EIF2AK1: variants seen among roughly 807,000 people sequenced by gnomAD.
The protein encoded by EIF2AK1 is eukaryotic translation initiation factor 2 alpha kinase 1, also known as eukaryotic translation initiation factor 2-alpha kinase 1.
In EIF2AK1, 54 loss-of-function variants were observed where a neutral mutation model predicts 77.9. The ratio of observed to expected loss-of-function variants is 0.69; its 90% CI spans 0.56 to 0.87. The LOEUF is 0.87. Ranked by LOEUF, EIF2AK1 falls within the 40% of genes least tolerant of loss-of-function variation. The pLI is 0.00. For synonymous variants in EIF2AK1, 314 were observed against 290.5 expected (o/e 1.08, Z -0.82); for missense variants, 810 against 768.6 (o/e 1.05, Z -0.64).
In EIF2AK1 at chr7:6,023,230, C is replaced by T. The variant is rs534480277; in HGVS notation, c.*1443G>A. On this transcript the variant is annotated 3_prime_UTR_variant, in exon 15 of 15. Coordinates refer to ENST00000199389, the MANE Select transcript of EIF2AK1 (RefSeq NM_014413.4). ...CAGTCTGTGGTGTTTGGTGACTGTC[C>T]CCTTCCCCACTGTGCGAGTACTTCC... The T allele has an allele frequency of 1.2e-5, 18 of 1,489,224 alleles. No individual in the cohort carries two copies. In the South Asian group the frequency reaches 2.0e-4, roughly 17 times the overall value. The allele number at this position is 1,489,224 out of a possible 1,614,324, so 92.3% of individuals were successfully genotyped here.
chr7:6,028,049 C>T (rs780875158), intron 13 of EIF2AK1: 2 of 388,404 alleles, frequency 5.1e-6, no homozygotes, highest in South Asian at 3.7e-5. Flanking sequence ...GGCAACAGAG[C>T]AAGACCCTGT....
rs1465393832 is a variant in EIF2AK1 at position 6,033,518 on chromosome 7, G to T, written c.1332+3906C>A. Among the ~76,000 whole-genome samples the T allele has an allele frequency of 6.6e-6, 1 of 152,142 alleles. No homozygotes were observed. The highest frequency in any genetic ancestry group is 1.5e-5 in the Non-Finnish European group (1 of 68,020). ...AGGAATGCAGTAAAGTCCTTGCCAT[G>T]GCCTTCAATAAGTTTAACCACCAAA... is the stretch of plus-strand genomic sequence containing the variant. On this transcript the variant is annotated intron_variant, in intron 11 of 14. Transcript: ENST00000199389. This position sits in a 1 kb window ranked among gnomAD's most constrained non-coding sequence, Gnocchi z 4.4.
chr7:6,037,579 G>C (rs1788143904), intron 10 of EIF2AK1, 55 bp from the exon 11 acceptor site: 1 of 1,036,018 alleles, frequency 9.7e-7, no homozygotes, highest in East Asian at 2.4e-5. Context: ...CATTACATGG[G>C]CATCTAAATA....
At chr7:6,054,431 G>C in intron 2 of EIF2AK1, 115 bp downstream of exon 2, 1 of 1,117,580 alleles carries the variant, frequency 8.9e-7, no homozygotes, top group South Asian at 1.6e-5. Flanking sequence ...CTCGATCTCC[G>C]GACCTCGGGT....
At chr7:6,031,573 C>T (rs1229508032) in intron 11 of EIF2AK1, 22 of 1,550,690 alleles carry the variant, frequency 1.4e-5, no homozygotes, top group Admixed American at 3.9e-5. Flanking sequence ...CCGCCAGCAA[C>T]AGATTACTTC....
At chr7:6,046,940 G>C in intron 5 of EIF2AK1, 52 bp downstream of exon 5, 1 of 1,424,746 alleles carries the variant, frequency 7.0e-7, no homozygotes, top group Non-Finnish European at 9.6e-7. Flanking sequence ...AACAATATCT[G>C]AAAACACAAT....
At position 6,041,171 on chromosome 7, in the gene EIF2AK1, G is replaced by C. The variant is rs558971827; in HGVS notation, c.840C>G (p.Ile280Met). 6.2e-7 allele frequency: 1 copy of C among 1,613,116 alleles called. No individual in the cohort carries two copies. Among genetic ancestry groups the C allele is most frequent in the East Asian group, 2.2e-5 (1 of 44,858 alleles). ...CTTTTTCTGGGGTGGGCTCAGCAAA[G>C]ATAATGGATGAGCTGCTACTTTCAT... is the stretch of plus-strand genomic sequence containing the variant. ...KNDESSSSSIIFAEPTPEKEK... is the reference protein window; with the variant it reads ...KNDESSSSSIMFAEPTPEKEK... The change falls in exon 9 of 15, where the codon ATC becomes ATG. Residue 280 changes from isoleucine to methionine, a missense_variant. Ile to Met is a conservative substitution (Grantham distance 10, BLOSUM62 1). This residue lies in a region of EIF2AK1 where 549 missense variants were observed against 533.7 expected (regional missense o/e 1.03). Coordinates refer to ENST00000199389, the MANE Select transcript of EIF2AK1 (RefSeq NM_014413.4).
At chr7:6,042,519 A>C (rs1788328027) in intron 8 of EIF2AK1, among the ~76,000 whole-genome samples, 1 of 151,952 alleles carries the variant, frequency 6.6e-6, no homozygotes, top group Non-Finnish European at 1.5e-5. Context: ...TTGTAACGGA[A>C]ATAAGCAAAG....
rs1429813148 is a variant in EIF2AK1 at position 6,035,129 on chromosome 7, T to C, written c.1332+2295A>G. ...ACAGCCCTAGCGGGGACGGCACAGG[T>C]AAAACAGGCTGCTCCAAGAAGCTGG... On this transcript the variant is annotated intron_variant, in intron 11 of 14. Coordinates refer to ENST00000199389, the MANE Select transcript of EIF2AK1 (RefSeq NM_014413.4). The surrounding 1 kb of genome is among the most constrained non-coding windows in gnomAD (Gnocchi z 5.5). Among the ~76,000 whole-genome samples the C allele has an allele frequency of 6.6e-6, 1 of 151,758 alleles. No homozygotes were observed. The highest frequency in any genetic ancestry group is 2.4e-5 in the African/African-American group (1 of 41,262).
intron 6 of EIF2AK1, 103 bp from the exon 7 acceptor site, chr7:6,044,764 C>A (rs1016791990): frequency 3.5e-5 from 33 of 942,452 alleles, no homozygotes; most frequent in African/African-American, 2.9e-4. Flanking sequence ...CCCTGACTTA[C>A]AATGGTATGA....
intron 11 of EIF2AK1, among the ~76,000 whole-genome samples, chr7:6,034,403 C>T (rs1788012432): frequency 6.6e-6 from 1 of 152,136 alleles, no homozygotes; most frequent in Non-Finnish European, 1.5e-5. Context: ...TCCCTGAGCA[C>T]CCCACCCCAG....
chr7:6,046,558 A>G (rs1199273970), intron 5 of EIF2AK1: 1 of 160,488 alleles, frequency 6.2e-6, no homozygotes. Flanking sequence ...TGTTAAAGAA[A>G]AGTAAATATA....
intron 5 of EIF2AK1, chr7:6,046,538 A>T (rs960054321): frequency 1.2e-5 from 2 of 163,606 alleles, no homozygotes; most frequent in African/African-American, 4.8e-5. Flanking sequence ...ACTTCCCTGT[A>T]CATGACAAAT....
intron 10 of EIF2AK1, among the ~76,000 whole-genome samples, chr7:6,037,929 A>G (rs1276271300): frequency 6.6e-6 from 1 of 152,096 alleles, no homozygotes; most frequent in African/African-American, 2.4e-5. Flanking sequence ...ACAGTGGATT[A>G]AAGATATTAT....
intron 1 of EIF2AK1, among the ~76,000 whole-genome samples, chr7:6,056,598 G>GAAA (rs1181376161): frequency 0.011 from 528 of 48,810 alleles, 37 homozygotes; most frequent in African/African-American, 0.032. Context: ...CATCTCAAGG[G>GAAA]AAAAAAAAAA....
In EIF2AK1 at chr7:6,033,849, GTGAGCC is replaced by G. The variant is rs1787986321; in HGVS notation, c.1332+3569_1332+3574del. 6.6e-6 allele frequency among the ~76,000 whole-genome samples: 1 copy of G among 151,872 alleles called. No individual in the cohort carries two copies. On this transcript the variant is annotated intron_variant, in intron 11 of 14. Coordinates refer to ENST00000199389, the MANE Select transcript of EIF2AK1 (RefSeq NM_014413.4). The surrounding 1 kb of genome is among the most constrained non-coding windows in gnomAD (Gnocchi z 4.4). ...CTCCCAAAGTGCTGGGATTACAGGC[GTGAGCC>G]GCCGTGCCTGGCCGACAATGGATTT...
rs775502742 is a variant in EIF2AK1 at position 6,023,556 on chromosome 7, A to G, written c.*1117T>C. 18 of 1,614,250 alleles carry G rather than the reference A, an allele frequency of 1.1e-5. 1 individual carries two copies. The South Asian group carries it at 2.0e-4, about 18-fold the overall frequency. On this transcript the variant is annotated 3_prime_UTR_variant, in exon 15 of 15. Transcript: ENST00000199389. ...GGCTCGCTGGGAATGAACTCACCGT[A>G]GCAGACGTGGTGCTGTGGTCTGTAC...
rs372033029 is a variant in EIF2AK1 at position 6,046,186 on chromosome 7, T to C, written c.550-35A>G. On this transcript the variant is annotated intron_variant, in intron 5 of 14. Transcript: ENST00000199389. ...AGAAAAAAAGACAAAGTATATTGTG[T>C]CATTAAACTTTAACTGAATAAAGAG... 2.8e-5 allele frequency: 35 copies of C among 1,237,422 alleles called. 1 individual carries two copies. The highest frequency in any genetic ancestry group is 3.8e-4 in the Middle Eastern group (2 of 5,198). 76.7% of individuals were successfully genotyped at this position (1,237,422 alleles called of 1,614,324 possible). A position where few individuals can be genotyped will look rare whatever the true frequency, so the allele number is the denominator to read the frequency against.
chr7:6,056,123 T>A (rs1339248899), intron 1 of EIF2AK1, among the ~76,000 whole-genome samples: 1 of 149,292 alleles, frequency 6.7e-6, no homozygotes, highest in African/African-American at 2.5e-5. Flanking sequence ...TGAAACACCG[T>A]CTCTACTAAA....
Sources: allele counts gnomAD v4.1 joint callset (sites outside exome capture counted in the v4.1 genomes callset), GRCh38; gene constraint gnomAD v4.1.1; regional missense constraint gnomAD v4.1.1; non-coding constraint Gnocchi (gnomAD v3.1); transcripts MANE v1.5; gene names NCBI Gene and HGNC (gene_info 2026-07-23, HGNC 2026-07-21).